The following NTRK2 variants were observed in gnomAD, a reference collection of about 807,000 sequenced individuals.
NTRK2 encodes the protein neurotrophic receptor tyrosine kinase 2, also known as BDNF/NT-3 growth factors receptor.
In NTRK2, 13 loss-of-function variants were observed where a neutral mutation model predicts 94.5. That is an observed-to-expected ratio of 0.14 (90% CI 0.09 to 0.22). The LOEUF is 0.22. Among genes scored for constraint, NTRK2 ranks in the 10% least tolerant of loss-of-function variants. NTRK2 has a pLI of 1.00. For synonymous variants in NTRK2, 372 were observed against 407.4 expected, an observed-to-expected ratio of 0.91 and a Z score of 1.05; for missense variants, 639 against 1,071.2, an observed-to-expected ratio of 0.60 and a Z score of 5.63.
intron 14 of NTRK2, among the ~76,000 whole-genome samples, chr9:84,882,529 A>C (rs1232113805): frequency 6.6e-6 from 1 of 152,132 alleles, no homozygotes; most frequent in Admixed American, 6.5e-5. Context: ...TGCTCAGCTT[A>C]GTTTTTCTCA....
chr9:84,682,780 C>T (rs2059472136), intron 2 of NTRK2, among the ~76,000 whole-genome samples: 1 of 152,164 alleles, frequency 6.6e-6, no homozygotes, highest in Non-Finnish European at 1.5e-5. Flanking sequence ...ATGCTATACC[C>T]CCTCTTCTAC....
intron 9 of NTRK2, among the ~76,000 whole-genome samples, chr9:84,736,617 A>T (rs544681464): frequency 6.6e-6 from 1 of 152,314 alleles, no homozygotes; most frequent in East Asian, 1.9e-4. Context: ...TTTCTGCCTT[A>T]AATAACTGAG....
intron 14 of NTRK2, among the ~76,000 whole-genome samples, chr9:84,900,143 A>G (rs1026992693): frequency 2.0e-5 from 3 of 152,194 alleles, no homozygotes; most frequent in African/African-American, 2.4e-5. Flanking sequence ...GACCAGTTTC[A>G]TTAGTGTCAG....
intron 12 of NTRK2, among the ~76,000 whole-genome samples, chr9:84,835,691 A>G (rs549219745): frequency 6.6e-6 from 1 of 152,336 alleles, no homozygotes; most frequent in South Asian, 2.1e-4. Flanking sequence ...AGATAGCCGC[A>G]TGGGTAACAG....
chr9:84,783,249 C>T (rs986138421), intron 12 of NTRK2, among the ~76,000 whole-genome samples: 2 of 152,138 alleles, frequency 1.3e-5, no homozygotes, highest in South Asian at 2.1e-4. Flanking sequence ...TGACAGTGCT[C>T]TTTATCACAA....
intron 12 of NTRK2, chr9:84,814,575 T>A: frequency 9.4e-7 from 1 of 1,065,930 alleles, no homozygotes; most frequent in Non-Finnish European, 1.1e-6. Context: ...GGAATCAAGA[T>A]ACTACACAAG....
Position 84,842,445 on chromosome 9 carries a change from C to T in NTRK2, c.1397-18595C>T, listed in dbSNP as rs116502376. ...GCCAGCTCTGAACCCAGAGGAATGC[C>T]GTTGGCTGAAGTTACTGATCTGCTT... On this transcript the variant is annotated intron_variant, in intron 12 of 18. Coordinates refer to ENST00000277120, the MANE Select transcript of NTRK2 (RefSeq NM_006180.6). 4.8e-3 allele frequency among the ~76,000 whole-genome samples: 729 copies of T among 152,226 alleles called. 10 individuals are homozygous for T. Among genetic ancestry groups the T allele is most frequent in the African/African-American group, 0.016 (682 of 41,532 alleles).
chr9:84,993,798 C>T (rs1396341608), intron 17 of NTRK2, among the ~76,000 whole-genome samples: 1 of 152,190 alleles, frequency 6.6e-6, no homozygotes. Context: ...ACACACTTTG[C>T]ACCTCTCCTG....
At chr9:84,940,855 A>G (rs917913916) in intron 15 of NTRK2, among the ~76,000 whole-genome samples, 2 of 152,022 alleles carry the variant, frequency 1.3e-5, no homozygotes, top group African/African-American at 2.4e-5. Flanking sequence ...ATTTTTTATG[A>G]CAGTCATCAT....
At position 84,778,825 on chromosome 9, in the gene NTRK2, C is replaced by T. The variant is rs76104128; in HGVS notation, c.1396+26740C>T. On this transcript the variant is annotated intron_variant, in intron 12 of 18. Transcript: ENST00000277120. ...CAATGTCCCTATCTTCTGGTGTGTC[C>T]GTGCCTGTCATGTGGAGTTTGATAC... Among the ~76,000 whole-genome samples the T allele has an allele frequency of 8.5e-3, 1,298 of 152,280 alleles. 23 individuals carry two copies. Among genetic ancestry groups the T allele is most frequent in the African/African-American group, 0.029 (1,211 of 41,562 alleles).
chr9:84,959,324 G>T (rs1824585416), intron 17 of NTRK2, among the ~76,000 whole-genome samples: 1 of 152,190 alleles, frequency 6.6e-6, no homozygotes, highest in East Asian at 1.9e-4. Context: ...TTCTGACCAG[G>T]GCTATCTTAT....
At chr9:84,677,589 G>A (rs1465553633) in intron 2 of NTRK2, among the ~76,000 whole-genome samples, 3 of 152,122 alleles carry the variant, frequency 2.0e-5, no homozygotes, top group Non-Finnish European at 4.4e-5. Flanking sequence ...GGGGCTGTGA[G>A]GTTTATTAGT....
At chr9:84,781,842 C>T (rs903586195) in intron 12 of NTRK2, among the ~76,000 whole-genome samples, 2 of 151,964 alleles carry the variant, frequency 1.3e-5, no homozygotes, top group Non-Finnish European at 2.9e-5. Context: ...CTAACTAAAC[C>T]CTTATTATGG....
chr9:84,783,461 T>A (rs1433473583), intron 12 of NTRK2, among the ~76,000 whole-genome samples: 3 of 152,218 alleles, frequency 2.0e-5, no homozygotes, highest in Non-Finnish European at 4.4e-5. Context: ...TTCAACTTAA[T>A]TTTATTCACT....
At chr9:84,763,172 A>G (rs930999871) in intron 12 of NTRK2, among the ~76,000 whole-genome samples, 9 of 152,098 alleles carry the variant, frequency 5.9e-5, no homozygotes, top group African/African-American at 2.2e-4. Context: ...TTGTGCCATT[A>G]CAGGCTTGGG....
At chr9:84,980,073 G>C (rs1827391475) in intron 17 of NTRK2, among the ~76,000 whole-genome samples, 1 of 152,188 alleles carries the variant, frequency 6.6e-6, no homozygotes, top group Admixed American at 6.5e-5. Flanking sequence ...CAGTGGTATG[G>C]AACGGACCCT....
chr9:84,695,004 G>A (rs1465823337), intron 2 of NTRK2, among the ~76,000 whole-genome samples: 18 of 144,416 alleles, frequency 1.2e-4, no homozygotes, highest in African/African-American at 4.4e-4. Context: ...GCAGTGAGCC[G>A]AGATCGCGCC....
intron 9 of NTRK2, among the ~76,000 whole-genome samples, chr9:84,728,823 C>T (rs1465415499): frequency 2.6e-5 from 4 of 152,216 alleles, no homozygotes; most frequent in Admixed American, 6.5e-5. Flanking sequence ...GCTTCAGGAA[C>T]AGTGGGACAA....
chr9:84,887,049 T>C (rs1027368440), intron 14 of NTRK2, among the ~76,000 whole-genome samples: 1 of 152,196 alleles, frequency 6.6e-6, no homozygotes, highest in Admixed American at 6.5e-5. Context: ...AGTGTGGGGT[T>C]TGAACAAAAG....
Sources: allele counts gnomAD v4.1 joint callset (sites outside exome capture counted in the v4.1 genomes callset), GRCh38; gene constraint gnomAD v4.1.1; transcripts MANE v1.5; gene names NCBI Gene and HGNC (gene_info 2026-07-23, HGNC 2026-07-21).